Variants in THSD4 observed in about 807,000 individuals in gnomAD.
THSD4 encodes thrombospondin type 1 domain containing 4, also known as thrombospondin type-1 domain-containing protein 4.
Under a neutral mutation model 119.0 loss-of-function variants are expected in THSD4, and 69 were observed. The ratio of observed to expected loss-of-function variants is 0.58; its 90% CI spans 0.48 to 0.71. The LOEUF is 0.71. THSD4 is among the 30% of genes least tolerant of loss of function. The pLI is 0.00. For synonymous variants in THSD4, 524 were observed against 540.4 expected (o/e 0.97, Z 0.42); for missense variants, 1,393 against 1,391.1 (o/e 1.00, Z -0.02).
chr15:71,765,018 AG>A lies in THSD4; in HGVS notation c.2590-1del. ...CTCATCTTTTTCTGCTTCTTTCTGCAGTGTTCCATCGAGTGTGGGAGCGGGA... is the reference window on the plus strand; with the variant it reads ...CTCATCTTTTTCTGCTTCTTTCTGCATGTTCCATCGAGTGTGGGAGCGGGA... On this transcript the variant is annotated splice_acceptor_variant, in intron 15 of 17. Coordinates refer to ENST00000261862, the MANE Select transcript of THSD4 (RefSeq NM_024817.3). LOFTEE classifies it high-confidence loss of function. 6.2e-7 allele frequency: 1 copy of A among 1,612,740 alleles called. No homozygotes were observed. The highest frequency in any genetic ancestry group is 1.3e-5 in the African/African-American group (1 of 75,028).
rs979521334 is a variant in THSD4, at chr15:71,105,559, C to T, written c.-80+8553C>T. Among the ~76,000 whole-genome samples the T allele has an allele frequency of 1.4e-4, 22 of 152,328 alleles. No individual in the cohort carries two copies. The East Asian group carries it at 4.2e-3, about 29-fold the overall frequency. ...CCCTAAATTACCTCATTAGCATAAA[C>T]TCAGGTGTGCTCCAAAGAGGCTCCT... is the stretch of plus-strand genomic sequence containing the variant. On this transcript the variant is annotated intron_variant, in intron 1 of 17. Transcript: ENST00000355327.
At chr15:71,508,532 T>A (rs2048228214) in intron 7 of THSD4, among the ~76,000 whole-genome samples, 1 of 152,102 alleles carries the variant, frequency 6.6e-6, no homozygotes, top group Non-Finnish European at 1.5e-5. Flanking sequence ...TGCCTTTCAT[T>A]ACCAGCTCTG....
chr15:71,575,925 C>T (rs55681820), intron 7 of THSD4, among the ~76,000 whole-genome samples: 4,564 of 152,180 alleles, frequency 0.03, 103 homozygotes, highest in Non-Finnish European at 0.048. Flanking sequence ...TTCTCAATGC[C>T]GTTTGCACTG....
At chr15:71,442,254 A>C (rs2140558914) in intron 7 of THSD4, among the ~76,000 whole-genome samples, 1 of 150,342 alleles carries the variant, frequency 6.7e-6, no homozygotes, top group East Asian at 2.1e-4. Flanking sequence ...CACCGCACCC[A>C]GCCCCTTGTT....
At chr15:71,398,135 C>G (rs1268513311) in intron 6 of THSD4, among the ~76,000 whole-genome samples, 1 of 152,114 alleles carries the variant, frequency 6.6e-6, no homozygotes, top group African/African-American at 2.4e-5. Flanking sequence ...GGATTAGTGG[C>G]TATGACAGAG....
chr15:71,244,983 C>T (rs1482709262), intron 5 of THSD4, among the ~76,000 whole-genome samples: 6 of 152,206 alleles, frequency 3.9e-5, no homozygotes, highest in Non-Finnish European at 5.9e-5. Context: ...AAAGCCCGCC[C>T]CTTTTGCCAG....
At chr15:71,562,272 G>A (rs1355967338) in intron 7 of THSD4, among the ~76,000 whole-genome samples, 1 of 152,274 alleles carries the variant, frequency 6.6e-6, no homozygotes, top group African/African-American at 2.4e-5. Flanking sequence ...TGTGTTCAAA[G>A]CTATTTGTAA....
At chr15:71,390,310 CT>C (rs1157157096) in intron 6 of THSD4, among the ~76,000 whole-genome samples, 4 of 152,174 alleles carry the variant, frequency 2.6e-5, no homozygotes, top group Non-Finnish European at 5.9e-5. Context: ...ATGGCATTAT[CT>C]GTTTTTGGCG....
intron 7 of THSD4, among the ~76,000 whole-genome samples, chr15:71,448,396 C>A (rs189046463): frequency 6.6e-6 from 1 of 152,172 alleles, no homozygotes; most frequent in Non-Finnish European, 1.5e-5. Flanking sequence ...CATTTGGGGG[C>A]ATTTCATAAT....
intron 8 of THSD4, among the ~76,000 whole-genome samples, chr15:71,671,599 G>C (rs1206494339): frequency 1.3e-5 from 2 of 152,174 alleles, no homozygotes; most frequent in Non-Finnish European, 2.9e-5. Flanking sequence ...TTTTCTTCTA[G>C]GGTTTTTATG....
At chr15:71,735,622 GTT>G (rs1300228251) in intron 10 of THSD4, among the ~76,000 whole-genome samples, 3 of 146,704 alleles carry the variant, frequency 2.0e-5, no homozygotes, top group Non-Finnish European at 3.0e-5. Context: ...CTTGCTCTCT[GTT>G]TCTCTCTCTT....
chr15:71,575,934 T>C (rs4444291), intron 7 of THSD4, among the ~76,000 whole-genome samples: 35,926 of 152,218 alleles, frequency 0.24, 4,691 homozygotes, highest in Middle Eastern at 0.33. Context: ...CCGTTTGCAC[T>C]GGCCCTGAGG....
chr15:71,412,101 C>T (rs901754302), intron 7 of THSD4, among the ~76,000 whole-genome samples: 9 of 152,138 alleles, frequency 5.9e-5, no homozygotes, highest in Non-Finnish European at 1.0e-4. Flanking sequence ...GCAATCTTTG[C>T]GAGTTGGATC....
At chr15:71,148,373 G>A (rs1003462648) in intron 2 of THSD4, among the ~76,000 whole-genome samples, 16 of 152,216 alleles carry the variant, frequency 1.1e-4, no homozygotes, top group Non-Finnish European at 1.9e-4. Context: ...TTCTCAAGCC[G>A]AAGGCTGCTG....
intron 1 of THSD4, among the ~76,000 whole-genome samples, chr15:71,133,684 G>C (rs1042281156): frequency 3.9e-5 from 6 of 152,168 alleles, no homozygotes. Flanking sequence ...TTGATCTGCA[G>C]TATCATGTCA....
chr15:71,368,387 A>G (rs1403001432), intron 6 of THSD4, among the ~76,000 whole-genome samples: 2 of 152,192 alleles, frequency 1.3e-5, no homozygotes, highest in Non-Finnish European at 2.9e-5. Context: ...GTAATTGCCT[A>G]GGTTTTCTTC....
chr15:71,259,286 G>T (rs4777351), intron 6 of THSD4, among the ~76,000 whole-genome samples: 53,557 of 151,732 alleles, frequency 0.35, 10,379 homozygotes, highest in East Asian at 0.68. Context: ...CTTGCCTAGA[G>T]CCTTCAAAGT....
chr15:71,174,845 C>T (rs1418572104), intron 3 of THSD4, among the ~76,000 whole-genome samples: 1 of 151,624 alleles, frequency 6.6e-6, no homozygotes, highest in Non-Finnish European at 1.5e-5. Context: ...CCCCGAGCAG[C>T]CTAACTGGGA....
chr15:71,735,062 G>A (rs556544002), intron 10 of THSD4, among the ~76,000 whole-genome samples: 8 of 151,764 alleles, frequency 5.3e-5, no homozygotes, highest in Admixed American at 3.9e-4. Flanking sequence ...TAATTCAATC[G>A]CAGTCTGCTT....
Sources: allele counts gnomAD v4.1 joint callset (sites outside exome capture counted in the v4.1 genomes callset), GRCh38; gene constraint gnomAD v4.1.1; transcripts MANE v1.5; gene names NCBI Gene and HGNC (gene_info 2026-07-23, HGNC 2026-07-21).